Variants in SHC4 observed in about 807,000 individuals in gnomAD.
SHC4 encodes the protein SHC adaptor protein 4.
Under a neutral mutation model 69.4 loss-of-function variants are expected in SHC4, and 41 were observed. The ratio of observed to expected loss-of-function variants is 0.59; its 90% CI spans 0.46 to 0.77. SHC4 has a LOEUF of 0.77. Among genes scored for constraint, SHC4 ranks in the 30% least tolerant of loss-of-function variants. The pLI is 0.00. For synonymous variants in SHC4, 318 were observed against 299.3 expected, an observed-to-expected ratio of 1.06 and a Z score of -0.64; for missense variants, 777 against 783.8, an observed-to-expected ratio of 0.99 and a Z score of 0.10.
chr15:48,871,234 C>A (rs1403629232), intron 5 of SHC4, among the ~76,000 whole-genome samples: 3 of 152,120 alleles, frequency 2.0e-5, no homozygotes, highest in Non-Finnish European at 2.9e-5. Flanking sequence ...GTGTATGTTC[C>A]CCCTGCTTTC....
intron 1 of SHC4, chr15:48,946,662 C>T: frequency 2.2e-6 from 2 of 894,480 alleles, no homozygotes; most frequent in Middle Eastern, 5.7e-4. Flanking sequence ...TTCCCCATTC[C>T]TTGCTTATCT....
intron 2 of SHC4, among the ~76,000 whole-genome samples, chr15:48,920,234 G>T (rs1900725284): frequency 6.6e-6 from 1 of 151,666 alleles, no homozygotes; most frequent in African/African-American, 2.4e-5. Flanking sequence ...TGTTAGCCAG[G>T]ATGGTCTCGA....
At chr15:48,894,405 G>A (rs978108007) in intron 2 of SHC4, among the ~76,000 whole-genome samples, 8 of 152,164 alleles carry the variant, frequency 5.3e-5, no homozygotes, top group Admixed American at 5.2e-4. Flanking sequence ...ATAATGCAGA[G>A]TAAGTTCCTT....
At chr15:48,906,425 C>A (rs1406272335) in intron 2 of SHC4, among the ~76,000 whole-genome samples, 4 of 151,866 alleles carry the variant, frequency 2.6e-5, no homozygotes, top group African/African-American at 9.7e-5. Flanking sequence ...CTTTTTCCAC[C>A]TGATTTTTCT....
At chr15:48,909,725 T>C (rs921507810) in intron 2 of SHC4, among the ~76,000 whole-genome samples, 1 of 152,176 alleles carries the variant, frequency 6.6e-6, no homozygotes, top group Non-Finnish European at 1.5e-5. Flanking sequence ...TTAAGGTGTG[T>C]CCTTTGTATG....
At chr15:48,912,844 A>C (rs899576382) in intron 2 of SHC4, among the ~76,000 whole-genome samples, 1 of 151,942 alleles carries the variant, frequency 6.6e-6, no homozygotes, top group Non-Finnish European at 1.5e-5. Flanking sequence ...GCCGAACTGC[A>C]GTGATTGTTG....
chr15:48,842,938 A>T (rs1899019751), intron 10 of SHC4, among the ~76,000 whole-genome samples: 1 of 152,158 alleles, frequency 6.6e-6, no homozygotes. Flanking sequence ...TTCAGAAAAA[A>T]AAAGAAAAGA....
chr15:48,903,747 G>GTGTT (rs746093202), intron 2 of SHC4, among the ~76,000 whole-genome samples: 43 of 152,168 alleles, frequency 2.8e-4, no homozygotes, highest in African/African-American at 4.1e-4. Context: ...CCAATATTAC[G>GTGTT]TGTTTGTTTG....
At chr15:48,877,915 C>T (rs1899844638) in intron 4 of SHC4, 1 of 401,112 alleles carries the variant, frequency 2.5e-6, no homozygotes, top group African/African-American at 2.0e-5. Context: ...AACACAGAAA[C>T]TGTTACGCTC....
At chr15:48,866,901 G>A (rs10162880) in intron 6 of SHC4, among the ~76,000 whole-genome samples, 85,896 of 152,078 alleles carry the variant, frequency 0.56, 26,832 homozygotes, top group Middle Eastern at 0.75. Flanking sequence ...ATGTCCCAGC[G>A]TTAGGGATGA....
chr15:48,909,749 G>C (rs888923522), intron 2 of SHC4, among the ~76,000 whole-genome samples: 3 of 152,180 alleles, frequency 2.0e-5, no homozygotes, highest in African/African-American at 7.2e-5. Context: ...ATTTTGCTGA[G>C]AGTTTTAATG....
intron 1 of SHC4, among the ~76,000 whole-genome samples, chr15:48,940,370 A>G (rs1901152807): frequency 6.6e-6 from 1 of 152,204 alleles, no homozygotes; most frequent in Non-Finnish European, 1.5e-5. Flanking sequence ...AAATAATTAT[A>G]TCCTACACCC....
intron 10 of SHC4, 132 bp from the exon 11 acceptor site, chr15:48,835,154 G>A (rs986678438): frequency 1.2e-4 from 144 of 1,193,082 alleles, no homozygotes; most frequent in Non-Finnish European, 1.5e-4. Flanking sequence ...TACTGCTTGG[G>A]GAACAAATGA....
intron 2 of SHC4, among the ~76,000 whole-genome samples, chr15:48,903,170 C>G (rs1341387378): frequency 6.6e-6 from 1 of 152,138 alleles, no homozygotes; most frequent in Admixed American, 6.5e-5. Context: ...ATTAAAGGGA[C>G]CAGAGCTGTG....
intron 11 of SHC4, among the ~76,000 whole-genome samples, chr15:48,829,833 C>A (rs1339089929): frequency 6.6e-6 from 1 of 152,172 alleles, no homozygotes; most frequent in East Asian, 1.9e-4. Flanking sequence ...GCAGAAGAAT[C>A]ACTTGAACCC....
At position 48,851,181 on chromosome 15, in the gene SHC4, T is replaced by A. The variant is rs369740824; in HGVS notation, c.1303+7A>T. On this transcript the variant is annotated splice_region_variant and intron_variant, in intron 9 of 11. Coordinates refer to ENST00000332408, the MANE Select transcript of SHC4 (RefSeq NM_203349.4). Reference sequence around the variant, plus strand: ...GGGTGGCAGATGGAGAAGGGCATTGTACCTACCTATTGCCCTGCTTTGTTC... The same window carrying A: ...GGGTGGCAGATGGAGAAGGGCATTGAACCTACCTATTGCCCTGCTTTGTTC... 3 of 1,613,538 alleles carry A rather than the reference T, an allele frequency of 1.9e-6. No homozygotes were observed. Among genetic ancestry groups the A allele is most frequent in the Non-Finnish European group, 2.5e-6 (3 of 1,179,546 alleles).
intron 4 of SHC4, 122 bp downstream of exon 4, chr15:48,884,126 T>G (rs1002122422): frequency 1.9e-6 from 2 of 1,077,376 alleles, no homozygotes; most frequent in Admixed American, 4.0e-5. Context: ...TTCAGCAGAT[T>G]TTTCCCTTGT....
chr15:48,874,804 G>T (rs1273933273), intron 4 of SHC4, among the ~76,000 whole-genome samples: 1 of 152,234 alleles, frequency 6.6e-6, no homozygotes, highest in Non-Finnish European at 1.5e-5. Context: ...ATAGTGGCAA[G>T]TGAGTTGATG....
At chr15:48,853,598 G>A (rs117936542) in intron 8 of SHC4, among the ~76,000 whole-genome samples, 3,933 of 152,264 alleles carry the variant, frequency 0.026, 62 homozygotes, top group Middle Eastern at 0.061. Context: ...ACACTATAAG[G>A]CTACAGTAAC....
Sources: gnomAD v4.1 joint callset for allele counts (sites outside exome capture counted in the v4.1 genomes callset) on GRCh38, gnomAD v4.1.1 for gene constraint, MANE v1.5 for transcripts, NCBI Gene and HGNC (gene_info 2026-07-23, HGNC 2026-07-21) for gene names.